Variants in DEPTOR observed in about 807,000 individuals in gnomAD.
DEPTOR encodes DEP domain containing MTOR interacting protein.
In DEPTOR, 41 loss-of-function variants were observed where a neutral mutation model predicts 41.6. The observed-to-expected ratio is 0.98, with a 90% CI of 0.77 to 1.28. The LOEUF is 1.28. Among genes scored for constraint, DEPTOR ranks in the 50% most tolerant of loss-of-function variants. The pLI, the probability that DEPTOR is intolerant of heterozygous loss-of-function variation, is 0.00. For synonymous variants in DEPTOR, 195 were observed against 192.3 expected (o/e 1.01, Z -0.12); for missense variants, 514 against 527.9 (o/e 0.97, Z 0.26).
chr8:119,881,529 A>T (rs997284692), intron 1 of DEPTOR, among the ~76,000 whole-genome samples: 27 of 151,750 alleles, frequency 1.8e-4, no homozygotes, highest in Non-Finnish European at 3.2e-4. Context: ...GTCTCAAAAA[A>T]AATAATAAAA....
intron 3 of DEPTOR, among the ~76,000 whole-genome samples, chr8:119,944,345 G>A (rs1229130061): frequency 9.9e-5 from 15 of 152,176 alleles, no homozygotes; most frequent in Non-Finnish European, 2.2e-4. Flanking sequence ...TATGCATGAT[G>A]TGATGGTTGA....
chr8:119,999,676 C>T (rs892759542), intron 4 of DEPTOR, among the ~76,000 whole-genome samples: 1 of 152,148 alleles, frequency 6.6e-6, no homozygotes, highest in Non-Finnish European at 1.5e-5. Context: ...ACTAAGCAGG[C>T]TTTATTATTG....
intron 3 of DEPTOR, among the ~76,000 whole-genome samples, chr8:119,939,130 T>C (rs928606228): frequency 2.0e-5 from 3 of 152,160 alleles, no homozygotes; most frequent in African/African-American, 7.2e-5. Flanking sequence ...CAACAAAAAG[T>C]TTATACTGTA....
At chr8:120,006,059 G>A (rs1172571477) in intron 6 of DEPTOR, among the ~76,000 whole-genome samples, 2 of 152,126 alleles carry the variant, frequency 1.3e-5, no homozygotes, top group African/African-American at 4.8e-5. Flanking sequence ...GGTTGTTTTT[G>A]CAGTTATAAA....
chr8:119,898,274 T>C (rs556605519), intron 1 of DEPTOR, among the ~76,000 whole-genome samples: 1 of 152,296 alleles, frequency 6.6e-6, no homozygotes, highest in African/African-American at 2.4e-5. Flanking sequence ...AAGATGTGTG[T>C]TGTGTACGTG....
intron 4 of DEPTOR, among the ~76,000 whole-genome samples, chr8:119,971,152 G>A (rs1156553956): frequency 6.6e-6 from 1 of 151,088 alleles, no homozygotes; most frequent in Non-Finnish European, 1.5e-5. Flanking sequence ...ATGATGGTGT[G>A]AACCTGGGAA....
chr8:119,901,048 A>C (rs1291344045), intron 1 of DEPTOR, among the ~76,000 whole-genome samples: 1 of 152,190 alleles, frequency 6.6e-6, no homozygotes, highest in African/African-American at 2.4e-5. Flanking sequence ...AAAAGTAGGA[A>C]GACTCAGAGA....
intron 3 of DEPTOR, among the ~76,000 whole-genome samples, chr8:119,946,042 CAG>C (rs1490239390): frequency 6.6e-6 from 1 of 152,080 alleles, no homozygotes; most frequent in Admixed American, 6.6e-5. Context: ...TTGTTAAGCG[CAG>C]AGATGATTCC....
intron 1 of DEPTOR, among the ~76,000 whole-genome samples, chr8:119,912,589 C>T (rs1023485569): frequency 5.9e-5 from 9 of 152,202 alleles, no homozygotes; most frequent in Non-Finnish European, 7.3e-5. Flanking sequence ...AAGTTATAGA[C>T]GTGCAACACT....
chr8:119,916,194 G>T (rs1308462639), intron 1 of DEPTOR, among the ~76,000 whole-genome samples: 2 of 151,706 alleles, frequency 1.3e-5, no homozygotes, highest in Non-Finnish European at 2.9e-5. Flanking sequence ...CCACCTTCTG[G>T]GTTCAAGTGA....
At chr8:120,045,436 T>C (rs758169663) in intron 8 of DEPTOR, among the ~76,000 whole-genome samples, 5 of 152,242 alleles carry the variant, frequency 3.3e-5, no homozygotes, top group Non-Finnish European at 7.3e-5. Context: ...AGTGGCATGA[T>C]CTTGGTTCAC....
chr8:119,971,939 C>T (rs372195933), intron 4 of DEPTOR, among the ~76,000 whole-genome samples: 1 of 152,064 alleles, frequency 6.6e-6, no homozygotes, highest in Non-Finnish European at 1.5e-5. Context: ...CTAGGCAGGC[C>T]GATACAACAC....
chr8:119,987,489 C>T (rs1828845114), intron 4 of DEPTOR, among the ~76,000 whole-genome samples: 1 of 152,214 alleles, frequency 6.6e-6, no homozygotes, highest in African/African-American at 2.4e-5. Flanking sequence ...ATATGTCTCC[C>T]AGTCAGGAGG....
intron 8 of DEPTOR, among the ~76,000 whole-genome samples, chr8:120,042,472 A>G (rs1813090777): frequency 6.6e-6 from 1 of 152,224 alleles, no homozygotes. Context: ...TGTTCAGACC[A>G]CTTAGGGACA....
intron 1 of DEPTOR, among the ~76,000 whole-genome samples, chr8:119,923,451 C>G (rs1827923816): frequency 6.6e-6 from 1 of 152,016 alleles, no homozygotes; most frequent in Admixed American, 6.6e-5. Flanking sequence ...CCATGTTGCC[C>G]AGGCTGATTT....
chr8:119,940,183 C>G (rs1828184231), intron 3 of DEPTOR, among the ~76,000 whole-genome samples: 2 of 151,988 alleles, frequency 1.3e-5, no homozygotes, highest in African/African-American at 4.8e-5. Flanking sequence ...CACCATTACA[C>G]TCCAGCCTGG....
chr8:120,002,791 A>AAAATATATAT lies in DEPTOR; in HGVS notation c.791-185_791-184insAATATATATA. On this transcript the variant is annotated intron_variant, in intron 5 of 8. Transcript: ENST00000286234. The stretch of plus-strand genomic sequence containing the variant: ...GACTCCATCTCAAAAAAAAAAAAAA[A>AAAATATATAT]ATATATATATATATATATATAATAT... Among the ~76,000 whole-genome samples the AAAATATATAT allele has an allele frequency of 3.5e-4, 21 of 60,662 alleles. 1 individual carries two copies. Among genetic ancestry groups the AAAATATATAT allele is most frequent in the Admixed American group, 7.7e-4 (3 of 3,902 alleles). The allele number at this position is 60,662 out of a possible 152,430, so 39.8% of individuals were successfully genotyped here. A position where few individuals can be genotyped will look rare whatever the true frequency, so the allele number is the denominator to read the frequency against.
chr8:119,950,277 C>T (rs1206715524), intron 3 of DEPTOR, among the ~76,000 whole-genome samples: 4 of 152,088 alleles, frequency 2.6e-5, no homozygotes, highest in Admixed American at 6.6e-5. Context: ...CTTCTCTTGT[C>T]TTTTTATACT....
intron 2 of DEPTOR, among the ~76,000 whole-genome samples, chr8:119,929,253 C>G (rs910918943): frequency 6.6e-6 from 1 of 152,088 alleles, no homozygotes; most frequent in East Asian, 1.9e-4. Context: ...TTGGAATACC[C>G]TTTCGCCTCA....
Sources: allele counts gnomAD v4.1 joint callset (sites outside exome capture counted in the v4.1 genomes callset), GRCh38; gene constraint gnomAD v4.1.1; transcripts MANE v1.5; gene names NCBI Gene and HGNC (gene_info 2026-07-23, HGNC 2026-07-21).